RBFOX1: variants seen among roughly 807,000 people sequenced by gnomAD.
The protein encoded by RBFOX1 is RNA binding fox-1 homolog 1, also known as RNA binding protein fox-1 homolog 1.
Under a neutral mutation model 57.7 loss-of-function variants are expected in RBFOX1, and 8 were observed. That is an observed-to-expected ratio of 0.14 (90% CI 0.08 to 0.25). The LOEUF (loss-of-function observed/expected upper bound fraction) is 0.25. Among genes scored for constraint, RBFOX1 ranks in the 10% least tolerant of loss-of-function variants. The pLI, the probability that RBFOX1 is intolerant of heterozygous loss-of-function variation, is 1.00. For synonymous variants in RBFOX1, 326 were observed against 222.4 expected, an observed-to-expected ratio of 1.47 and a Z score of -4.15; for missense variants, 611 against 548.5, an observed-to-expected ratio of 1.11 and a Z score of -1.14.
At chr16:7,439,740 C>T (rs2149834160) in intron 4 of RBFOX1, among the ~76,000 whole-genome samples, 1 of 152,208 alleles carries the variant, frequency 6.6e-6, no homozygotes, top group South Asian at 2.1e-4. Flanking sequence ...TGTGTCTTTT[C>T]CTCATGCATA....
intron 3 of RBFOX1, among the ~76,000 whole-genome samples, chr16:6,675,276 A>G (rs1186488015): frequency 6.6e-6 from 1 of 152,140 alleles, no homozygotes; most frequent in Non-Finnish European, 1.5e-5. Flanking sequence ...ACATATTTCC[A>G]TGTCTGAAAA....
intron 4 of RBFOX1, among the ~76,000 whole-genome samples, chr16:7,254,703 C>A (rs1236619128): frequency 1.3e-5 from 2 of 151,976 alleles, no homozygotes; most frequent in African/African-American, 4.8e-5. Context: ...CATTCACAAG[C>A]CATTTTTGCA....
At chr16:5,530,100 C>T (rs114773220) in intron 2 of RBFOX1, among the ~76,000 whole-genome samples, 2 of 152,130 alleles carry the variant, frequency 1.3e-5, no homozygotes, top group Non-Finnish European at 2.9e-5. Flanking sequence ...TTAAGCCACT[C>T]AGGCTATGGC....
intron 4 of RBFOX1, among the ~76,000 whole-genome samples, chr16:5,983,554 T>C (rs769339012): frequency 1.3e-5 from 2 of 152,076 alleles, no homozygotes; most frequent in Non-Finnish European, 2.9e-5. Flanking sequence ...CACTCTGTGG[T>C]GCAGGAAACG....
chr16:5,739,930 C>T (rs899931571), intron 3 of RBFOX1, among the ~76,000 whole-genome samples: 2 of 152,202 alleles, frequency 1.3e-5, no homozygotes, highest in African/African-American at 2.4e-5. Context: ...GTGCTAACCA[C>T]AGCTAGAGAC....
chr16:7,675,867 C>T (rs1170044669), intron 13 of RBFOX1, among the ~76,000 whole-genome samples: 5 of 152,168 alleles, frequency 3.3e-5, no homozygotes, highest in Non-Finnish European at 7.3e-5. Flanking sequence ...TCCTGTTTAA[C>T]TGTGCTGAGT....
chr16:7,628,720 C>G (rs2060462813), intron 10 of RBFOX1, among the ~76,000 whole-genome samples: 2 of 152,174 alleles, frequency 1.3e-5, no homozygotes, highest in South Asian at 4.2e-4. Flanking sequence ...TCAAGTGATT[C>G]TCCTGCCTCA....
intron 4 of RBFOX1, among the ~76,000 whole-genome samples, chr16:7,404,592 T>A (rs1451855027): frequency 6.6e-6 from 1 of 152,220 alleles, no homozygotes; most frequent in Admixed American, 6.5e-5. Context: ...AATTTACACC[T>A]GAGTGACCAG....
At chr16:5,464,192 G>C (rs552768762) in intron 1 of RBFOX1, among the ~76,000 whole-genome samples, 11 of 152,316 alleles carry the variant, frequency 7.2e-5, no homozygotes, top group Non-Finnish European at 1.3e-4. Context: ...ATGTCTGTGG[G>C]ACACCCATGT....
intron 10 of RBFOX1, among the ~76,000 whole-genome samples, chr16:7,613,423 C>G (rs1377979858): frequency 6.6e-6 from 1 of 152,144 alleles, no homozygotes; most frequent in Non-Finnish European, 1.5e-5. Context: ...AGAAGAGATT[C>G]ATGTGATCAC....
At chr16:6,236,267 C>G (rs1431231271) in intron 1 of RBFOX1, among the ~76,000 whole-genome samples, 2 of 152,116 alleles carry the variant, frequency 1.3e-5, no homozygotes, top group Non-Finnish European at 2.9e-5. Flanking sequence ...CCACCTTGAC[C>G]TTGGGAAAAC....
At chr16:7,117,874 C>G (rs983612305) in intron 4 of RBFOX1, among the ~76,000 whole-genome samples, 12 of 152,124 alleles carry the variant, frequency 7.9e-5, no homozygotes, top group African/African-American at 2.9e-4. Context: ...TTTGTTGTAG[C>G]TGCAGGATTC....
intron 2 of RBFOX1, among the ~76,000 whole-genome samples, chr16:6,538,781 C>T (rs773425440): frequency 3.3e-5 from 5 of 152,140 alleles, no homozygotes; most frequent in Non-Finnish European, 7.4e-5. Flanking sequence ...TGGCTTCTTC[C>T]AGGGCCTCTG....
At chr16:6,435,082 A>G (rs569797002) in intron 2 of RBFOX1, among the ~76,000 whole-genome samples, 2 of 152,304 alleles carry the variant, frequency 1.3e-5, no homozygotes, top group East Asian at 3.9e-4. Flanking sequence ...AATACACTCA[A>G]TCTATAGCAT....
chr16:5,810,995 C>T (rs766841426), intron 3 of RBFOX1, among the ~76,000 whole-genome samples: 12 of 152,104 alleles, frequency 7.9e-5, no homozygotes, highest in Non-Finnish European at 1.8e-4. Flanking sequence ...TCCATCACTC[C>T]AATGGGTTTG....
At chr16:7,231,743 C>A (rs913076239) in intron 4 of RBFOX1, among the ~76,000 whole-genome samples, 1 of 152,192 alleles carries the variant, frequency 6.6e-6, no homozygotes, top group Non-Finnish European at 1.5e-5. Context: ...GCTACTGTTA[C>A]ATGCTACAAC....
chr16:5,683,164 G>A (rs965239949), intron 3 of RBFOX1, among the ~76,000 whole-genome samples: 3 of 149,038 alleles, frequency 2.0e-5, no homozygotes, highest in African/African-American at 4.9e-5. Flanking sequence ...GAGGTGGGGG[G>A]TGGGGGCGCC....
chr16:7,419,116 C>T lies in RBFOX1; in HGVS notation c.28-99031C>T, dbSNP rs373997320. Among the ~76,000 whole-genome samples, 529 of 152,232 alleles carry T rather than the reference C, an allele frequency of 3.5e-3. 4 individuals carry two copies. The highest frequency in any genetic ancestry group is 0.012 in the African/African-American group (510 of 41,536). ...AGAGACAGGGTTTCGCCATGTTTCC[C>T]AGGCTGGTCTGGAACTCCTGGGCTC... On this transcript the variant is annotated intron_variant, in intron 4 of 15. Transcript: ENST00000550418.
At chr16:7,290,004 A>T (rs1423379028) in intron 4 of RBFOX1, among the ~76,000 whole-genome samples, 1 of 152,154 alleles carries the variant, frequency 6.6e-6, no homozygotes, top group East Asian at 1.9e-4. Flanking sequence ...AATTCTTATT[A>T]TTTTTCTTCA....
Sources: allele counts gnomAD v4.1 joint callset (sites outside exome capture counted in the v4.1 genomes callset), GRCh38; gene constraint gnomAD v4.1.1; transcripts MANE v1.5; gene names NCBI Gene and HGNC (gene_info 2026-07-23, HGNC 2026-07-21).